The following SLC35F4 variants were observed in gnomAD, a reference collection of about 807,000 sequenced individuals.
The protein encoded by SLC35F4 is chromosome 14 open reading frame 36.
Under a neutral mutation model 44.2 loss-of-function variants are expected in SLC35F4, and 24 were observed. The observed-to-expected ratio is 0.54, with a 90% CI of 0.39 to 0.76. The LOEUF (loss-of-function observed/expected upper bound fraction) is 0.76. Among genes scored for constraint, SLC35F4 ranks in the 30% least tolerant of loss-of-function variants. The pLI is 0.00. For missense variants in SLC35F4, 562 were observed against 586.1 expected, an observed-to-expected ratio of 0.96 and a Z score of 0.42; for synonymous variants, 238 against 223.6, an observed-to-expected ratio of 1.06 and a Z score of -0.57.
chr14:57,790,847 T>C (rs2077899888), intron 1 of SLC35F4, among the ~76,000 whole-genome samples: 1 of 152,170 alleles, frequency 6.6e-6, no homozygotes, highest in Admixed American at 6.5e-5. Context: ...TACAACCATC[T>C]GATCTTTGAC....
chr14:57,576,689 G>A (rs1296508891), intron 4 of SLC35F4, among the ~76,000 whole-genome samples: 3 of 152,128 alleles, frequency 2.0e-5, no homozygotes, highest in Non-Finnish European at 4.4e-5. Flanking sequence ...TGTGACAGGG[G>A]GAAGGGGGGT....
Position 57,865,892 on chromosome 14 carries a change from G to C in SLC35F4, c.-67C>G. The C allele has an allele frequency of 1.7e-6, 2 of 1,181,274 alleles. No homozygotes were observed. The highest frequency in any genetic ancestry group is 1.5e-5 in the South Asian group (1 of 66,816). The allele number at this position is 1,181,274 out of a possible 1,614,324, so 73.2% of individuals were successfully genotyped here. ...AGCGCAGCGCGGGGCCCGGGAGCTG[G>C]TGCAGGTGCCGGAGCCGCTGGTGCT... On this transcript the variant is annotated 5_prime_UTR_variant, in exon 1 of 8. Coordinates refer to ENST00000556826, the MANE Select transcript of SLC35F4 (RefSeq NM_001306087.2).
chr14:57,681,673 A>G (rs1308972816), intron 1 of SLC35F4, among the ~76,000 whole-genome samples: 2 of 152,138 alleles, frequency 1.3e-5, no homozygotes, highest in African/African-American at 4.8e-5. Context: ...TAAACTAAAG[A>G]GTTTCTGTAG....
chr14:57,565,063 G>T (rs982304252), intron 7 of SLC35F4, among the ~76,000 whole-genome samples: 1 of 152,174 alleles, frequency 6.6e-6, no homozygotes, highest in African/African-American at 2.4e-5. Context: ...TGTAGCACGT[G>T]TCAGCACCTC....
intron 1 of SLC35F4, among the ~76,000 whole-genome samples, chr14:57,782,713 T>C (rs1566849216): frequency 6.6e-6 from 1 of 152,224 alleles, no homozygotes; most frequent in African/African-American, 2.4e-5. Context: ...TGTCCTCCAG[T>C]AAATTGTGTA....
At chr14:57,943,355 T>A (rs1462522960) in intron 1 of SLC35F4, among the ~76,000 whole-genome samples, 1 of 152,222 alleles carries the variant, frequency 6.6e-6, no homozygotes, top group African/African-American at 2.4e-5. Context: ...ATTTTTATGG[T>A]GATTTCTAAC....
chr14:57,974,476 G>A (rs1195527889), downstream of SLC35F4, among the ~76,000 whole-genome samples: 2 of 152,160 alleles, frequency 1.3e-5, no homozygotes, highest in Non-Finnish European at 2.9e-5. Context: ...ATTAACCTGT[G>A]GCCCTCTTTA....
intron 1 of SLC35F4, among the ~76,000 whole-genome samples, chr14:57,652,452 C>G (rs1384536542): frequency 6.6e-6 from 1 of 152,132 alleles, no homozygotes; most frequent in Non-Finnish European, 1.5e-5. Flanking sequence ...CAAATTTCTT[C>G]TCTCATTCAG....
At chr14:57,625,918 A>G (rs1364387444) in intron 1 of SLC35F4, among the ~76,000 whole-genome samples, 1 of 152,236 alleles carries the variant, frequency 6.6e-6, no homozygotes, top group Non-Finnish European at 1.5e-5. Flanking sequence ...ACTTGGAACC[A>G]ACCCAAATGC....
intron 1 of SLC35F4, among the ~76,000 whole-genome samples, chr14:57,901,055 C>A (rs1364496268): frequency 6.6e-6 from 1 of 152,176 alleles, no homozygotes; most frequent in Non-Finnish European, 1.5e-5. Context: ...AAAAGGAGTG[C>A]TTTTACACCA....
chr14:57,882,287 C>T (rs1362601815), intron 1 of SLC35F4, among the ~76,000 whole-genome samples: 1 of 152,182 alleles, frequency 6.6e-6, no homozygotes, highest in African/African-American at 2.4e-5. Context: ...GCAGGGCAGC[C>T]ACTCCAAGAT....
intron 3 of SLC35F4, 92 bp from the exon 4 acceptor site, chr14:57,581,525 CA>C: frequency 1.8e-6 from 2 of 1,101,206 alleles, no homozygotes; most frequent in Non-Finnish European, 2.6e-6. Flanking sequence ...GGTAAGAGCA[CA>C]AACACTCAAT....
intron 1 of SLC35F4, among the ~76,000 whole-genome samples, chr14:57,598,452 G>T (rs1319790973): frequency 6.6e-6 from 1 of 152,208 alleles, no homozygotes; most frequent in African/African-American, 2.4e-5. Context: ...AAAGGGAAAA[G>T]AACTACAGCC....
At chr14:57,789,758 C>T (rs979355957) in intron 1 of SLC35F4, among the ~76,000 whole-genome samples, 3 of 152,174 alleles carry the variant, frequency 2.0e-5, no homozygotes, top group Non-Finnish European at 2.9e-5. Flanking sequence ...AAAATACTGG[C>T]AAACTGAATC....
At chr14:57,866,809 C>G (rs563779564), upstream of SLC35F4, among the ~76,000 whole-genome samples, 685 of 152,048 alleles carry the variant, frequency 4.5e-3, 3 homozygotes, top group Non-Finnish European at 5.1e-3. Flanking sequence ...TCCATTAGAG[C>G]AGAACATCCT....
At chr14:57,577,197 A>G (rs1456038481) in intron 4 of SLC35F4, among the ~76,000 whole-genome samples, 1 of 152,200 alleles carries the variant, frequency 6.6e-6, no homozygotes, top group Non-Finnish European at 1.5e-5. Context: ...CTCAGCTCCA[A>G]TGTACTGTTT....
At chr14:57,621,437 C>G (rs1050299912) in intron 1 of SLC35F4, among the ~76,000 whole-genome samples, 1 of 152,020 alleles carries the variant, frequency 6.6e-6, no homozygotes, top group African/African-American at 2.4e-5. Flanking sequence ...GCTACAGTAA[C>G]CAAAACAGCA....
intron 1 of SLC35F4, among the ~76,000 whole-genome samples, chr14:57,633,677 C>T (rs1373793786): frequency 3.9e-5 from 6 of 152,034 alleles, no homozygotes; most frequent in African/African-American, 1.4e-4. Flanking sequence ...TCACGCTTTC[C>T]CTTTTTAGTC....
At chr14:57,587,888 A>AAAAAAAAAAG (rs2069880306) in intron 3 of SLC35F4, among the ~76,000 whole-genome samples, 2 of 143,460 alleles carry the variant, frequency 1.4e-5, no homozygotes, top group Non-Finnish European at 1.5e-5. Flanking sequence ...AAAAAAAAAA[A>AAAAAAAAAAG]GAAAATGGTA....
Sources: allele counts gnomAD v4.1 joint callset (sites outside exome capture counted in the v4.1 genomes callset), GRCh38; gene constraint gnomAD v4.1.1; transcripts MANE v1.5; gene names NCBI Gene and HGNC (gene_info 2026-07-23, HGNC 2026-07-21).